The following FSTL5 variants were observed in gnomAD, a reference collection of about 807,000 sequenced individuals.
FSTL5 encodes follistatin-related protein 5.
Under a neutral mutation model 89.1 loss-of-function variants are expected in FSTL5, and 62 were observed. The observed-to-expected ratio is 0.70, with a 90% CI of 0.57 to 0.86. The LOEUF (loss-of-function observed/expected upper bound fraction) is 0.86. Among genes scored for constraint, FSTL5 ranks in the 40% least tolerant of loss-of-function variants. The pLI, the probability that FSTL5 is intolerant of heterozygous loss-of-function variation, is 0.00. For missense variants in FSTL5, 1,057 were observed against 1,001.6 expected, an observed-to-expected ratio of 1.06 and a Z score of -0.75; for synonymous variants, 383 against 346.2, an observed-to-expected ratio of 1.11 and a Z score of -1.18.
chr4:162,125,571 C>A (rs1732047418), intron 1 of FSTL5, among the ~76,000 whole-genome samples: 1 of 152,052 alleles, frequency 6.6e-6, no homozygotes, highest in African/African-American at 2.4e-5. Flanking sequence ...GATACCACAG[C>A]TTTTAACTAC....
intron 4 of FSTL5, among the ~76,000 whole-genome samples, chr4:161,826,456 A>G (rs987318958): frequency 6.6e-6 from 1 of 152,072 alleles, no homozygotes; most frequent in Admixed American, 6.6e-5. Context: ...TTCTGTCTTG[A>G]TGACCTGTTT....
chr4:161,922,443 A>G (rs1207315732), intron 3 of FSTL5, among the ~76,000 whole-genome samples: 1 of 151,964 alleles, frequency 6.6e-6, no homozygotes, highest in Non-Finnish European at 1.5e-5. Flanking sequence ...CAAAAAATCA[A>G]TTTTGGAAAA....
At position 161,386,468 on chromosome 4, in the gene FSTL5, A is replaced by T; in HGVS notation, c.1842-19T>A. ...TCCAAACCTGAAAAAAATGAAAATC[A>T]GAGTTAGACAGGAAGCAATGGAGTT... is the stretch of plus-strand genomic sequence containing the variant. On this transcript the variant is annotated intron_variant, in intron 15 of 15. Coordinates refer to ENST00000306100, the MANE Select transcript of FSTL5 (RefSeq NM_020116.5). 6.5e-7 allele frequency: 1 copy of T among 1,541,528 alleles called. No individual in the cohort carries two copies.
chr4:162,012,074 C>T (rs10517757), intron 3 of FSTL5, among the ~76,000 whole-genome samples: 20,933 of 152,114 alleles, frequency 0.14, 1,517 homozygotes, highest in East Asian at 0.28. Context: ...GTTCAGTAAG[C>T]GCGTACAGCT....
chr4:161,420,623 AG>A lies in FSTL5; in HGVS notation c.1842-34175del, dbSNP rs1359700780. On this transcript the variant is annotated intron_variant, in intron 15 of 15. Transcript: ENST00000306100. Reference sequence around the variant, plus strand: ...TACCTGATAATAAATCTCTTCATATAGTCATATATTCAATACCATATATATG... The same window carrying A: ...TACCTGATAATAAATCTCTTCATATATCATATATTCAATACCATATATATG... Among the ~76,000 whole-genome samples, 8 of 151,904 alleles carry A rather than the reference AG, an allele frequency of 5.3e-5. No homozygotes were observed. In the East Asian group the frequency reaches 1.4e-3, roughly 26 times the overall value.
intron 15 of FSTL5, among the ~76,000 whole-genome samples, chr4:161,423,071 T>C (rs371325399): frequency 6.6e-6 from 1 of 152,202 alleles, no homozygotes; most frequent in East Asian, 1.9e-4. Context: ...TTTTTTTCAC[T>C]ACACTATGTC....
chr4:161,642,083 G>T (rs1578989464), intron 7 of FSTL5, among the ~76,000 whole-genome samples: 1 of 152,106 alleles, frequency 6.6e-6, no homozygotes, highest in African/African-American at 2.4e-5. Context: ...AAGAGATGCA[G>T]CTTGATGATT....
chr4:162,132,072 A>G (rs1732321350), intron 1 of FSTL5, among the ~76,000 whole-genome samples: 1 of 152,240 alleles, frequency 6.6e-6, no homozygotes, highest in Non-Finnish European at 1.5e-5. Context: ...GATTAACCTC[A>G]AAGCGTTTGA....
At chr4:162,067,493 T>C (rs916625822) in intron 2 of FSTL5, among the ~76,000 whole-genome samples, 31 of 152,200 alleles carry the variant, frequency 2.0e-4, no homozygotes, top group Admixed American at 1.3e-3. Flanking sequence ...CCTTTGGGTA[T>C]ATACCCAGTA....
At chr4:161,868,683 T>C (rs1388975258) in intron 4 of FSTL5, among the ~76,000 whole-genome samples, 2 of 152,216 alleles carry the variant, frequency 1.3e-5, no homozygotes, top group African/African-American at 2.4e-5. Flanking sequence ...AGCTACTTTA[T>C]CCATAATAAC....
chr4:161,529,632 G>T (rs2126528300), intron 10 of FSTL5, among the ~76,000 whole-genome samples: 1 of 140,832 alleles, frequency 7.1e-6, no homozygotes, highest in East Asian at 2.4e-4. Flanking sequence ...ATTCTCTATA[G>T]AATTATATTT....
chr4:161,979,840 G>A (rs1735765092), intron 3 of FSTL5, among the ~76,000 whole-genome samples: 1 of 152,042 alleles, frequency 6.6e-6, no homozygotes, highest in Admixed American at 6.6e-5. Context: ...ACCAAGGTAT[G>A]TGTTCTACGC....
At chr4:161,464,585 TAG>T (rs1733686870) in intron 13 of FSTL5, among the ~76,000 whole-genome samples, 2 of 152,208 alleles carry the variant, frequency 1.3e-5, no homozygotes, top group Non-Finnish European at 2.9e-5. Flanking sequence ...CCTCATCTAA[TAG>T]ATTCTATGCT....
At chr4:161,698,376 G>T (rs147033733) in intron 6 of FSTL5, among the ~76,000 whole-genome samples, 1 of 152,154 alleles carries the variant, frequency 6.6e-6, no homozygotes, top group Non-Finnish European at 1.5e-5. Flanking sequence ...TGGCAGGTGG[G>T]TTGGGGAGAT....
intron 6 of FSTL5, among the ~76,000 whole-genome samples, chr4:161,720,326 T>C (rs941157074): frequency 1.3e-5 from 2 of 152,094 alleles, no homozygotes; most frequent in Non-Finnish European, 2.9e-5. Context: ...TATCACCTTA[T>C]ACCTGTTACG....
intron 15 of FSTL5, among the ~76,000 whole-genome samples, chr4:161,426,054 ATCT>A (rs1026805446): frequency 5.3e-5 from 8 of 152,168 alleles, no homozygotes; most frequent in East Asian, 1.9e-4. Flanking sequence ...AAAAATGAAC[ATCT>A]TCTAGTTAAT....
chr4:162,098,131 G>A (rs548779070), intron 2 of FSTL5, among the ~76,000 whole-genome samples: 26 of 151,898 alleles, frequency 1.7e-4, no homozygotes, highest in African/African-American at 5.3e-4. Context: ...CCTCTAACTA[G>A]ATATATAAAA....
At chr4:161,980,764 C>CTTTTTTTTTT (rs34223215) in intron 3 of FSTL5, among the ~76,000 whole-genome samples, 1 of 71,826 alleles carries the variant, frequency 1.4e-5, no homozygotes, top group Non-Finnish European at 2.5e-5. Flanking sequence ...CTTCAAGTAA[C>CTTTTTTTTTT]TTTTTTTTTT....
intron 11 of FSTL5, among the ~76,000 whole-genome samples, chr4:161,503,493 A>G (rs563754751): frequency 5.9e-5 from 9 of 152,080 alleles, no homozygotes; most frequent in African/African-American, 2.2e-4. Flanking sequence ...TGCATGTGTG[A>G]TACACATGTG....
Sources: gnomAD v4.1 joint callset for allele counts (sites outside exome capture counted in the v4.1 genomes callset) on GRCh38, gnomAD v4.1.1 for gene constraint, MANE v1.5 for transcripts, NCBI Gene and HGNC (gene_info 2026-07-23, HGNC 2026-07-21) for gene names.